BRINP3: variants seen among roughly 807,000 people sequenced by gnomAD.
The protein encoded by BRINP3 is BMP/retinoic acid inducible neural specific 3, also known as BMP/retinoic acid-inducible neural-specific protein 3.
In BRINP3, 19 loss-of-function variants were observed where a neutral mutation model predicts 71.0. The ratio of observed to expected loss-of-function variants is 0.27; its 90% CI spans 0.19 to 0.39. The LOEUF (loss-of-function observed/expected upper bound fraction) is 0.39, where lower values mean the gene tolerates loss of function less well. Ranked by LOEUF, BRINP3 falls within the 10% of genes least tolerant of loss-of-function variation. The pLI, the probability that BRINP3 is intolerant of heterozygous loss-of-function variation, is 1.00. For synonymous variants in BRINP3, 380 were observed against 337.7 expected, an observed-to-expected ratio of 1.13 and a Z score of -1.37; for missense variants, 959 against 940.8, an observed-to-expected ratio of 1.02 and a Z score of -0.25.
rs532291963 is a variant in BRINP3, at chr1:190,393,851, T to C, written c.236+60804A>G. Among the ~76,000 whole-genome samples the C allele has an allele frequency of 1.6e-4, 24 of 151,666 alleles. No individual in the cohort carries two copies. The South Asian group carries it at 5.0e-3, about 31-fold the overall frequency. ...TTGTGCACTCACCGCAGAATTTCAG[T>C]TTTAAAAAGTGTTTTAATGTATCCA... On this transcript the variant is annotated intron_variant, in intron 2 of 7. Transcript: ENST00000367462.
intron 2 of BRINP3, among the ~76,000 whole-genome samples, chr1:190,295,771 T>TC (rs1664202305): frequency 6.6e-6 from 1 of 151,698 alleles, no homozygotes; most frequent in Non-Finnish European, 1.5e-5. Flanking sequence ...CACTTCCCTT[T>TC]CCCTCCCCAA....
At chr1:190,373,529 A>T (rs558796605) in intron 2 of BRINP3, among the ~76,000 whole-genome samples, 2 of 151,362 alleles carry the variant, frequency 1.3e-5, no homozygotes, top group East Asian at 3.9e-4. Flanking sequence ...TATACCAATG[A>T]TCTTCATTAT....
intron 2 of BRINP3, among the ~76,000 whole-genome samples, chr1:190,451,585 T>C (rs1675611373): frequency 6.6e-6 from 1 of 152,192 alleles, no homozygotes; most frequent in South Asian, 2.1e-4. Context: ...TGCCTTTTTT[T>C]TTTTAAATGA....
rs567642189 is a variant in BRINP3, at chr1:190,257,685, A to G, written c.618+7180T>C. ...TGGTGTGGATTTCCTTTTTGGTGAT[A>G]TTGATGATATTCCTTTCTGTTTGTT... On this transcript the variant is annotated intron_variant, in intron 4 of 7. Transcript: ENST00000367462. 7.9e-5 allele frequency among the ~76,000 whole-genome samples: 12 copies of G among 152,188 alleles called. No homozygotes were observed. In the East Asian group the frequency reaches 2.3e-3, roughly 29 times the overall value.
At chr1:190,202,678 T>C (rs1423042662) in intron 6 of BRINP3, among the ~76,000 whole-genome samples, 1 of 152,062 alleles carries the variant, frequency 6.6e-6, no homozygotes, top group African/African-American at 2.4e-5. Flanking sequence ...TGATAGTGAA[T>C]GGGTCTCATG....
chr1:190,146,399 T>C (rs1356601712), intron 7 of BRINP3, among the ~76,000 whole-genome samples: 3 of 152,196 alleles, frequency 2.0e-5, no homozygotes, highest in Non-Finnish European at 4.4e-5. Context: ...TAAATCAAAT[T>C]GCTACATACA....
chr1:190,310,537 G>T (rs1665444117), intron 2 of BRINP3, among the ~76,000 whole-genome samples: 1 of 151,644 alleles, frequency 6.6e-6, no homozygotes, highest in African/African-American at 2.4e-5. Flanking sequence ...AAAATATCCA[G>T]CATACTGCAT....
intron 2 of BRINP3, among the ~76,000 whole-genome samples, chr1:190,334,358 T>G (rs1667153004): frequency 6.6e-6 from 1 of 151,858 alleles, no homozygotes; most frequent in African/African-American, 2.4e-5. Flanking sequence ...TAATGTGGAA[T>G]TTTGCAAGTC....
At chr1:190,295,397 G>A (rs1369072474) in intron 2 of BRINP3, among the ~76,000 whole-genome samples, 2 of 150,798 alleles carry the variant, frequency 1.3e-5, no homozygotes, top group African/African-American at 4.9e-5. Context: ...ACTGCCTGGG[G>A]TTGGGGGAGG....
At chr1:190,263,963 A>C (rs1212439346) in intron 4 of BRINP3, among the ~76,000 whole-genome samples, 1 of 152,178 alleles carries the variant, frequency 6.6e-6, no homozygotes, top group Non-Finnish European at 1.5e-5. Context: ...CGTTACATTT[A>C]ATCATTCCTT....
chr1:190,098,526 C>T lies in BRINP3; in HGVS notation c.1793G>A (p.Arg598Gln), dbSNP rs757438144. Residue 598 changes from arginine to glutamine, a missense_variant, in exon 8 of 8, where the codon CGG (arginine) becomes CAG (glutamine). Arg to Gln is a conservative substitution (Grantham distance 43). Transcript: ENST00000367462. ...VNENSFPDWE[R>Q]TKLDLPLQCY... is the part of the protein sequence containing the mutation. ...CTGCAGGGGTAGGTCCAACTTAGTC[C>T]GCTCCCAGTCTGGAAAGCTGTTTTC... The T allele has an allele frequency of 1.2e-5, 20 of 1,613,944 alleles. No homozygotes were observed. Among genetic ancestry groups the T allele is most frequent in the Middle Eastern group, 1.6e-4 (1 of 6,084 alleles).
intron 6 of BRINP3, among the ~76,000 whole-genome samples, chr1:190,177,313 T>A (rs1441484591): frequency 6.7e-6 from 1 of 149,256 alleles, no homozygotes; most frequent in Non-Finnish European, 1.5e-5. Flanking sequence ...CAGGCGCCCA[T>A]TACCATGCCT....
intron 2 of BRINP3, among the ~76,000 whole-genome samples, chr1:190,415,792 A>G (rs1415450781): frequency 6.6e-6 from 1 of 152,112 alleles, no homozygotes; most frequent in Non-Finnish European, 1.5e-5. Context: ...AATACCAGCT[A>G]CTCAGGAGGC....
chr1:190,114,077 G>A (rs1479048550), intron 7 of BRINP3, among the ~76,000 whole-genome samples: 1 of 152,076 alleles, frequency 6.6e-6, no homozygotes, highest in African/African-American at 2.4e-5. Flanking sequence ...TGGGGCCTGG[G>A]GGAAGGTGAT....
chr1:190,136,608 A>T (rs949814520), intron 7 of BRINP3, among the ~76,000 whole-genome samples: 1 of 152,156 alleles, frequency 6.6e-6, no homozygotes, highest in Admixed American at 6.6e-5. Flanking sequence ...TGAAAATTAA[A>T]TTACCATGAG....
chr1:190,340,040 A>G (rs1667552919), intron 2 of BRINP3, among the ~76,000 whole-genome samples: 1 of 151,982 alleles, frequency 6.6e-6, no homozygotes, highest in African/African-American at 2.4e-5. Flanking sequence ...TATCAAAAAG[A>G]GGAAAGAAAA....
intron 2 of BRINP3, among the ~76,000 whole-genome samples, chr1:190,422,622 G>T (rs1252178233): frequency 1.3e-5 from 2 of 151,700 alleles, no homozygotes; most frequent in Admixed American, 6.6e-5. Context: ...ATTTATAAGG[G>T]ATGATTTTTC....
intron 7 of BRINP3, among the ~76,000 whole-genome samples, chr1:190,121,723 G>A (rs561448202): frequency 1.3e-5 from 2 of 152,184 alleles, no homozygotes; most frequent in East Asian, 3.9e-4. Flanking sequence ...CTATTGTGTG[G>A]GGAAAGTGGA....
chr1:190,108,065 T>A (rs1652339866), intron 7 of BRINP3, among the ~76,000 whole-genome samples: 1 of 151,496 alleles, frequency 6.6e-6, no homozygotes, highest in Admixed American at 6.6e-5. Flanking sequence ...GCTGAATAGT[T>A]GTCAGAAACT....
Sources: allele counts gnomAD v4.1 joint callset (sites outside exome capture counted in the v4.1 genomes callset), GRCh38; gene constraint gnomAD v4.1.1; transcripts MANE v1.5; gene names NCBI Gene and HGNC (gene_info 2026-07-23, HGNC 2026-07-21).